The following GRM1 variants were observed in gnomAD, a reference collection of about 807,000 sequenced individuals.
The protein encoded by GRM1 is metabotropic glutamate receptor 1.
Under a neutral mutation model 90.9 loss-of-function variants are expected in GRM1, and 33 were observed. That is an observed-to-expected ratio of 0.36 (90% CI 0.28 to 0.49). The LOEUF is 0.49. GRM1 is among the 20% of genes least tolerant of loss of function. The pLI, the probability that GRM1 is intolerant of heterozygous loss-of-function variation, is 0.99. For missense variants in GRM1, 1,190 were observed against 1,534.3 expected, an observed-to-expected ratio of 0.78 and a Z score of 3.75; for synonymous variants, 700 against 613.2, an observed-to-expected ratio of 1.14 and a Z score of -2.09.
At chr6:146,043,187 A>G (rs988039851) in intron 1 of GRM1, among the ~76,000 whole-genome samples, 1 of 151,984 alleles carries the variant, frequency 6.6e-6, no homozygotes, top group African/African-American at 2.4e-5. Flanking sequence ...AGGCACCTGT[A>G]GGTGGAGGCT....
At chr6:146,147,614 T>C (rs1180229975) in intron 1 of GRM1, among the ~76,000 whole-genome samples, 1 of 152,226 alleles carries the variant, frequency 6.6e-6, no homozygotes, top group Non-Finnish European at 1.5e-5. Context: ...TATTCAGCAT[T>C]ATTTCCTATT....
chr6:146,189,507 G>T (rs1778861540), intron 2 of GRM1, among the ~76,000 whole-genome samples: 3 of 152,106 alleles, frequency 2.0e-5, no homozygotes, highest in African/African-American at 7.2e-5. Context: ...TAAGCATTCT[G>T]GTCTGTCGAC....
intron 1 of GRM1, among the ~76,000 whole-genome samples, chr6:146,152,485 C>A (rs981046917): frequency 6.6e-6 from 1 of 151,830 alleles, no homozygotes; most frequent in Admixed American, 6.6e-5. Flanking sequence ...TACTGTAAGT[C>A]CATGGAGGAA....
rs527990974 is a variant in GRM1, at chr6:146,305,770, A to C, written c.1186+924A>C. ...CAGATATTATTTATAAAGGTATAGA[A>C]TCATATTACGCCCATGTATAAAACA... On this transcript the variant is annotated intron_variant, in intron 3 of 7. Coordinates refer to ENST00000282753, the MANE Select transcript of GRM1 (RefSeq NM_001278064.2). 3.9e-5 allele frequency among the ~76,000 whole-genome samples: 6 copies of C among 152,304 alleles called. No homozygotes were observed. In the South Asian group the frequency reaches 1.2e-3, roughly 32 times the overall value.
chr6:146,029,410 CA>C lies in GRM1; in HGVS notation c.-107del, dbSNP rs1790627421. On this transcript the variant is annotated 5_prime_UTR_variant, in exon 1 of 8. Transcript: ENST00000282753. ...GACGACCATTGTTGGCGAGGGGCACCACTCCGGGAGAGGCGGCGCTGGGCGT... is the reference window on the plus strand; with the variant it reads ...GACGACCATTGTTGGCGAGGGGCACCCTCCGGGAGAGGCGGCGCTGGGCGT... The C allele has an allele frequency of 8.0e-6, 7 of 873,736 alleles. No homozygotes were observed. In the Admixed American group the frequency reaches 1.2e-4, roughly 15 times the overall value. The allele number at this position is 873,736 out of a possible 1,614,324, so 54.1% of individuals were successfully genotyped here. A position where few individuals can be genotyped will look rare whatever the true frequency, so the allele number is the denominator to read the frequency against.
rs1781622041 is a variant in GRM1 at position 146,259,899 on chromosome 6, A to G, written c.951-44712A>G. 4.0e-5 allele frequency among the ~76,000 whole-genome samples: 6 copies of G among 150,720 alleles called. No individual in the cohort carries two copies. The South Asian group carries it at 1.0e-3, about 26-fold the overall frequency. On this transcript the variant is annotated intron_variant, in intron 2 of 7. Transcript: ENST00000282753. ...TTCTTCACAGGAGCTGTATCATTTT[A>G]TATTCCCATCAACAATGTAAAAGCA...
At chr6:146,333,843 A>G (rs995390191) in intron 3 of GRM1, among the ~76,000 whole-genome samples, 7 of 152,212 alleles carry the variant, frequency 4.6e-5, no homozygotes, top group Non-Finnish European at 1.0e-4. Flanking sequence ...AAGCCTAAAG[A>G]AACAAGGAAA....
At chr6:146,109,031 A>G (rs1775437765) in intron 1 of GRM1, among the ~76,000 whole-genome samples, 1 of 152,202 alleles carries the variant, frequency 6.6e-6, no homozygotes, top group African/African-American at 2.4e-5. Flanking sequence ...TTATAAGGGA[A>G]GCAGAGCATA....
At chr6:146,104,952 G>C (rs899189850) in intron 1 of GRM1, among the ~76,000 whole-genome samples, 10 of 152,126 alleles carry the variant, frequency 6.6e-5, no homozygotes, top group African/African-American at 1.9e-4. Flanking sequence ...AAGGAGAGAG[G>C]GGGTAATGAT....
At chr6:146,275,443 C>G (rs1782319659) in intron 2 of GRM1, among the ~76,000 whole-genome samples, 1 of 152,058 alleles carries the variant, frequency 6.6e-6, no homozygotes, top group African/African-American at 2.4e-5. Flanking sequence ...GAATCAAGTT[C>G]ATTTCATGGA....
intron 7 of GRM1, among the ~76,000 whole-genome samples, chr6:146,423,004 A>G (rs570455226): frequency 1.3e-5 from 2 of 151,686 alleles, no homozygotes; most frequent in South Asian, 2.1e-4. Flanking sequence ...GAAGGAGGGA[A>G]AGAAGAAGGA....
intron 2 of GRM1, among the ~76,000 whole-genome samples, chr6:146,206,805 C>T (rs939776520): frequency 6.6e-6 from 1 of 152,080 alleles, no homozygotes; most frequent in African/African-American, 2.4e-5. Context: ...TCTTCTCTCA[C>T]CCTCTCCACT....
intron 2 of GRM1, among the ~76,000 whole-genome samples, chr6:146,193,658 A>T (rs1583144330): frequency 6.6e-6 from 1 of 152,178 alleles, no homozygotes; most frequent in East Asian, 1.9e-4. Context: ...ACAACATGTA[A>T]TTGTTATAAT....
chr6:146,095,918 T>C (rs1026399295), intron 1 of GRM1, among the ~76,000 whole-genome samples: 1 of 152,178 alleles, frequency 6.6e-6, no homozygotes, highest in African/African-American at 2.4e-5. Context: ...TTAACTTGAC[T>C]CCTCTAGAGG....
At chr6:146,135,008 C>T (rs1776564592) in intron 1 of GRM1, among the ~76,000 whole-genome samples, 1 of 152,182 alleles carries the variant, frequency 6.6e-6, no homozygotes, top group Admixed American at 6.5e-5. Context: ...CACGAGGTCC[C>T]TCCCTCAACA....
chr6:146,159,641 T>TCTCACACACACA (rs372590505), intron 2 of GRM1, 44 bp downstream of exon 2: 49 of 728,686 alleles, frequency 6.7e-5, no homozygotes, highest in Middle Eastern at 4.3e-4. Flanking sequence ...TCTCTCTCTC[T>TCTCACACACACA]CACACACACA....
chr6:146,107,464 TTCC>T (rs1775355511), intron 1 of GRM1, among the ~76,000 whole-genome samples: 1 of 152,098 alleles, frequency 6.6e-6, no homozygotes, highest in Admixed American at 6.5e-5. Context: ...CCTCAGAGGC[TTCC>T]TGCAGGCAAT....
intron 2 of GRM1, among the ~76,000 whole-genome samples, chr6:146,293,310 A>T (rs1010687965): frequency 2.0e-5 from 3 of 151,978 alleles, no homozygotes; most frequent in Non-Finnish European, 2.9e-5. Flanking sequence ...AATAATTTTT[A>T]AAAAAACAAT....
chr6:146,155,267 G>A (rs908035113), intron 1 of GRM1, among the ~76,000 whole-genome samples: 2 of 152,058 alleles, frequency 1.3e-5, no homozygotes, highest in Admixed American at 1.3e-4. Flanking sequence ...ATTATAATAT[G>A]GTACTTTTAC....
Sources: allele counts gnomAD v4.1 joint callset (sites outside exome capture counted in the v4.1 genomes callset), GRCh38; gene constraint gnomAD v4.1.1; transcripts MANE v1.5; gene names NCBI Gene and HGNC (gene_info 2026-07-23, HGNC 2026-07-21).